SPG11: variants seen among roughly 807,000 people sequenced by gnomAD.
SPG11 encodes the protein SPG11 vesicle trafficking associated, spatacsin.
SPG11 carries 222 observed loss-of-function variants against 274.0 expected under a neutral mutation model. The observed-to-expected ratio is 0.81, with a 90% CI of 0.73 to 0.91. The LOEUF (loss-of-function observed/expected upper bound fraction) is 0.91. Ranked by LOEUF, SPG11 falls within the 40% of genes least tolerant of loss-of-function variation. The pLI is 0.00. For missense variants in SPG11, 3,114 were observed against 2,872.7 expected (o/e 1.08, Z -1.92); for synonymous variants, 1,144 against 1,039.7 (o/e 1.10, Z -1.93).
At position 44,663,619 on chromosome 15, in the gene SPG11, G is replaced by A. The variant is rs750165094; in HGVS notation, c.29C>T (p.Ala10Val). 49 of 1,596,236 alleles carry A rather than the reference G, an allele frequency of 3.1e-5. No homozygotes were observed. Among genetic ancestry groups the A allele is most frequent in the Non-Finnish European group, 4.1e-5 (48 of 1,176,152 alleles). Residue 10 changes from alanine (A) to valine (V), a missense_variant, in exon 1 of 40, where the codon GCT becomes GTT. Ala to Val is a moderately conservative substitution (Grantham distance 64). Transcript: ENST00000261866. MAAEEGVAS[A>V]ASAGGSWGTA... ...GCCCCAGCTACCGCCGGCGGAAGCA[G>A]CACTCGCGACCCCTTCCTCTGCAGC... is the stretch of plus-strand genomic sequence containing the variant.
At chr15:44,659,012 A>G (rs1324057208) in intron 3 of SPG11, 67 bp downstream of exon 3, 1 of 1,498,534 alleles carries the variant, frequency 6.7e-7, no homozygotes, top group African/African-American at 1.4e-5. Context: ...TAAAGCCTAA[A>G]AAGGCTCATC....
rs771032124 is a variant in SPG11, at chr15:44,608,491, G to T, written c.3406C>A (p.Pro1136Thr). 4 of 1,614,144 alleles carry T rather than the reference G, an allele frequency of 2.5e-6. No homozygotes were observed. The African/African-American group carries it at 4.0e-5, about 16-fold the overall frequency. The change falls in exon 19 of 40, where the codon CCT becomes ACT. Residue 1136 changes from proline (P) to threonine (T), a missense_variant. Pro to Thr is a conservative substitution (Grantham distance 38). Coordinates refer to ENST00000261866, the MANE Select transcript of SPG11 (RefSeq NM_025137.4). ...ATATCAGATGGCAGGACACTAGGAGGAGTGCACTGTGGGAAGAGAGCAGTT... is the reference window on the plus strand; with the variant it reads ...ATATCAGATGGCAGGACACTAGGAGTAGTGCACTGTGGGAAGAGAGCAGTT... ...LKTALFPQCT[P>T]PSVLPSDITI...
intron 11 of SPG11, among the ~76,000 whole-genome samples, chr15:44,625,461 C>T (rs905524378): frequency 3.3e-5 from 5 of 152,080 alleles, no homozygotes; most frequent in South Asian, 2.1e-4. Context: ...TAAGTTCTCA[C>T]GATATCTGGT....
chr15:44,571,035 T>C (rs995023235), intron 33 of SPG11, among the ~76,000 whole-genome samples: 3 of 152,140 alleles, frequency 2.0e-5, no homozygotes, highest in African/African-American at 7.2e-5. Context: ...GCAAAAGGTC[T>C]CAGGGCCTAA....
chr15:44,579,403 G>A (rs962497113), intron 30 of SPG11, among the ~76,000 whole-genome samples: 3 of 147,128 alleles, frequency 2.0e-5, no homozygotes, highest in Admixed American at 6.8e-5. Flanking sequence ...GCGTGGTGGC[G>A]CCAGTCCCAG....
chr15:44,661,531 G>C (rs1344534283), intron 1 of SPG11, among the ~76,000 whole-genome samples: 2 of 151,580 alleles, frequency 1.3e-5, no homozygotes, highest in Non-Finnish European at 2.9e-5. Context: ...ACTAATAAGA[G>C]TACATAATAG....
chr15:44,615,170 C>T (rs1393277817), intron 16 of SPG11, among the ~76,000 whole-genome samples, 193 bp downstream of exon 16: 1 of 152,126 alleles, frequency 6.6e-6, no homozygotes, highest in East Asian at 1.9e-4. Flanking sequence ...CACCAAAAAA[C>T]ACATAAGCAT....
intron 20 of SPG11, among the ~76,000 whole-genome samples, chr15:44,605,409 C>T (rs1293043584): frequency 2.0e-5 from 3 of 151,992 alleles, no homozygotes; most frequent in African/African-American, 7.3e-5. Context: ...GTACAAAGTA[C>T]TAATGCAAAG....
intron 16 of SPG11, among the ~76,000 whole-genome samples, chr15:44,614,371 T>C (rs993238919): frequency 6.6e-6 from 1 of 151,994 alleles, no homozygotes; most frequent in African/African-American, 2.4e-5. Flanking sequence ...GGACTACAGG[T>C]GTGTGCCACT....
At chr15:44,639,860 T>C (rs1228811376) in intron 7 of SPG11, among the ~76,000 whole-genome samples, 1 of 152,142 alleles carries the variant, frequency 6.6e-6, no homozygotes, top group East Asian at 1.9e-4. Flanking sequence ...TAAAAATCAA[T>C]ACACAAAAAT....
At chr15:44,634,118 T>C (rs1190879730) in intron 7 of SPG11, among the ~76,000 whole-genome samples, 1 of 151,830 alleles carries the variant, frequency 6.6e-6, no homozygotes, top group African/African-American at 2.4e-5. Flanking sequence ...GGATTACAGG[T>C]ACAAGCCACT....
At chr15:44,613,728 A>G (rs1449245268) in intron 16 of SPG11, among the ~76,000 whole-genome samples, 192 bp from the exon 17 acceptor site, 8 of 152,262 alleles carry the variant, frequency 5.3e-5, no homozygotes, top group Non-Finnish European at 1.0e-4. Flanking sequence ...TTTTAGAGAT[A>G]GAGATTTTAG....
At chr15:44,622,584 A>G in intron 12 of SPG11, 144 bp downstream of exon 12, 2 of 794,716 alleles carry the variant, frequency 2.5e-6, no homozygotes, top group Non-Finnish European at 4.1e-6. Context: ...GGGGAAAAAA[A>G]GATGAAGGGG....
intron 8 of SPG11, among the ~76,000 whole-genome samples, chr15:44,630,498 T>A (rs998492524): frequency 6.6e-6 from 1 of 152,232 alleles, no homozygotes; most frequent in African/African-American, 2.4e-5. Flanking sequence ...AAGCAGTTTT[T>A]AAAACATCAG....
intron 15 of SPG11, among the ~76,000 whole-genome samples, chr15:44,619,862 A>G (rs1343566012): frequency 6.6e-6 from 1 of 151,634 alleles, no homozygotes; most frequent in Non-Finnish European, 1.5e-5. Flanking sequence ...AGTTGGGAGT[A>G]CCCGGCATTA....
intron 25 of SPG11, 96 bp from the exon 26 acceptor site, chr15:44,595,555 C>T: frequency 1.5e-6 from 2 of 1,311,392 alleles, no homozygotes; most frequent in Non-Finnish European, 2.1e-6. Flanking sequence ...ATAAGTCACC[C>T]AACTTAATTA....
At chr15:44,629,750 A>G (rs537257217) in intron 8 of SPG11, among the ~76,000 whole-genome samples, 48 of 152,296 alleles carry the variant, frequency 3.2e-4, no homozygotes, top group African/African-American at 1.1e-3. Context: ...CAGAGAGGAT[A>G]AGTAACTTGC....
intron 18 of SPG11, among the ~76,000 whole-genome samples, chr15:44,609,677 T>C (rs1163899645): frequency 6.6e-6 from 1 of 150,898 alleles, no homozygotes; most frequent in Non-Finnish European, 1.5e-5. Flanking sequence ...GAAAACAAAC[T>C]AAAGGGAAAA....
chr15:44,637,638 C>T (rs2084317405), intron 7 of SPG11, among the ~76,000 whole-genome samples: 1 of 152,164 alleles, frequency 6.6e-6, no homozygotes, highest in Admixed American at 6.6e-5. Context: ...TTTTCAAGCA[C>T]ATGGAACTTT....
Sources: allele counts gnomAD v4.1 joint callset (sites outside exome capture counted in the v4.1 genomes callset), GRCh38; gene constraint gnomAD v4.1.1; transcripts MANE v1.5; gene names NCBI Gene and HGNC (gene_info 2026-07-23, HGNC 2026-07-21).